Variants in ATR observed in about 807,000 individuals in gnomAD.
ATR encodes the protein serine/threonine-protein kinase ATR.
In ATR, 142 loss-of-function variants were observed where a neutral mutation model predicts 305.3. The observed-to-expected ratio is 0.47, with a 90% CI of 0.41 to 0.53. ATR has a LOEUF of 0.53. Among genes scored for constraint, ATR ranks in the 20% least tolerant of loss-of-function variants. The pLI is 0.00. For synonymous variants in ATR, 1,050 were observed against 1,068.1 expected, an observed-to-expected ratio of 0.98 and a Z score of 0.33; for missense variants, 2,135 against 3,133.1, an observed-to-expected ratio of 0.68 and a Z score of 7.60.
chr3:142,499,464 T>G (rs1339515208), intron 31 of ATR, among the ~76,000 whole-genome samples, 163 bp downstream of exon 31: 1 of 152,032 alleles, frequency 6.6e-6, no homozygotes, highest in Non-Finnish European at 1.5e-5. Flanking sequence ...CCAGCTAATT[T>G]TTTGTATTTT....
chr3:142,457,488 TAA>T, intron 45 of ATR, 114 bp downstream of exon 45: 1 of 1,231,352 alleles, frequency 8.1e-7, no homozygotes, highest in Non-Finnish European at 1.1e-6. Context: ...AGCTATTATT[TAA>T]AAAAACTATT....
chr3:142,567,953 C>G (rs2035128244), intron 2 of ATR, 110 bp downstream of exon 2: 1 of 889,590 alleles, frequency 1.1e-6, no homozygotes, highest in African/African-American at 1.7e-5. Flanking sequence ...TAGTAACTAT[C>G]ATAAATACTC....
In ATR at chr3:142,568,017, A is replaced by G. The variant is rs764127980; in HGVS notation, c.151+46T>C. 10 of 1,418,180 alleles carry G rather than the reference A, an allele frequency of 7.1e-6. No homozygotes were observed. In the Admixed American group the frequency reaches 2.0e-4, roughly 29 times the overall value. The allele number at this position is 1,418,180 out of a possible 1,614,324, so 87.8% of individuals were successfully genotyped here. On this transcript the variant is annotated intron_variant, in intron 2 of 46. Transcript: ENST00000350721. Reference sequence around the variant, plus strand: ...TACTATAATTTATACATGGAAAAGAAAAGTCTAATTTATAAAGTTTATATA... The same window carrying G: ...TACTATAATTTATACATGGAAAAGAGAAGTCTAATTTATAAAGTTTATATA...
chr3:142,508,203 C>T (rs2032356303), intron 27 of ATR, 94 bp from the exon 28 acceptor site: 5 of 1,030,142 alleles, frequency 4.9e-6, no homozygotes, highest in Non-Finnish European at 7.1e-6. Context: ...TTTCACTAAA[C>T]AAATTAATCT....
chr3:142,503,391 G>T lies in ATR; in HGVS notation c.5259C>A (p.Ile1753=). The change falls in exon 30 of 47, where the codon ATC becomes ATA. Residue 1753 remains isoleucine (I), a synonymous_variant. Transcript: ENST00000350721. ...TAGCATGCACTCCATTCACCTGAGT[G>T]ATAACAGTAGACAGCTGACCAAGAC... is the stretch of plus-strand genomic sequence containing the variant. ...MLGLGQLSTV[I]TQVNGVHANR... The T allele has an allele frequency of 6.2e-7, 1 of 1,608,318 alleles. No individual in the cohort carries two copies. The highest frequency in any genetic ancestry group is 8.5e-7 in the Non-Finnish European group (1 of 1,174,928).
At chr3:142,575,024 T>C (rs1272538661) in intron 1 of ATR, among the ~76,000 whole-genome samples, 3 of 149,410 alleles carry the variant, frequency 2.0e-5, no homozygotes, top group Non-Finnish European at 4.5e-5. Flanking sequence ...GAAGTAAAAA[T>C]TAAGCAAGTT....
Position 142,465,175 on chromosome 3 carries a change from G to T in ATR, c.6963C>A (p.Phe2321Leu). The T allele has an allele frequency of 1.9e-6, 3 of 1,609,176 alleles. No individual in the cohort carries two copies. Among genetic ancestry groups the T allele is most frequent in the Non-Finnish European group, 2.6e-6 (3 of 1,176,358 alleles). Residue 2321 changes from phenylalanine (F) to leucine (L), a missense_variant, in exon 41 of 47, where the codon TTC becomes TTA. By Grantham distance (22) the Phe-to-Leu change is conservative. Transcript: ENST00000350721. ...CTTTTGGCTTACACATCATGATGTA[G>T]AACTTTCCATCTGAGCCTTTTAAAG... Reference protein sequence around the residue: ...KISLKGSDGKFYIMMCKPKDD... With the variant: ...KISLKGSDGKLYIMMCKPKDD...
intron 44 of ATR, among the ~76,000 whole-genome samples, chr3:142,458,142 T>G (rs147755006): frequency 1.3e-5 from 2 of 152,332 alleles, no homozygotes; most frequent in African/African-American, 4.8e-5. Context: ...AACACTTTCA[T>G]CTTAAAACAA....
At chr3:142,552,909 G>A (rs1304420220) in intron 13 of ATR, among the ~76,000 whole-genome samples, 1 of 151,288 alleles carries the variant, frequency 6.6e-6, no homozygotes, top group South Asian at 2.1e-4. Flanking sequence ...GCTGAATGAT[G>A]AGAACACATG....
At chr3:142,500,856 C>A (rs2031920664) in intron 30 of ATR, among the ~76,000 whole-genome samples, 2 of 152,096 alleles carry the variant, frequency 1.3e-5, no homozygotes, top group South Asian at 2.1e-4. Flanking sequence ...GGATAAAAAT[C>A]TCAGTAGAAT....
At chr3:142,464,946 A>T (rs1411615364) in intron 41 of ATR, 151 bp downstream of exon 41, 2 of 400,474 alleles carry the variant, frequency 5.0e-6, no homozygotes, top group Non-Finnish European at 8.3e-6. Flanking sequence ...CCTGCTTTTT[A>T]AGAGTGATCT....
intron 30 of ATR, 29 bp downstream of exon 30, chr3:142,503,333 C>T (rs1380224613): frequency 1.2e-5 from 18 of 1,506,624 alleles, no homozygotes; most frequent in Non-Finnish European, 1.7e-5. Flanking sequence ...GATGCAATAA[C>T]AAAAGAAAAT....
intron 20 of ATR, 134 bp from the exon 21 acceptor site, chr3:142,535,339 C>T (rs371597580): frequency 2.0e-6 from 2 of 976,342 alleles, no homozygotes; most frequent in Non-Finnish European, 1.5e-6. Flanking sequence ...AATTTCCATT[C>T]CTTCCTTTGT....
chr3:142,555,775 A>C (rs2034647353), intron 10 of ATR, 102 bp downstream of exon 10: 10 of 1,368,606 alleles, frequency 7.3e-6, no homozygotes, highest in Non-Finnish European at 8.9e-6. Flanking sequence ...TAAAGCATGT[A>C]ACTTCCTGTA....
chr3:142,466,664 C>G lies in ATR; in HGVS notation c.6688-131G>C, dbSNP rs182243038. On this transcript the variant is annotated intron_variant, in intron 39 of 46. Transcript: ENST00000350721. ...GTTTTCTAAGTATTTCCTAATCATC[C>G]CATTTTAACCTCTGTCATTTACCTC... 119 of 799,390 alleles carry G rather than the reference C, an allele frequency of 1.5e-4. No homozygotes were observed. In the African/African-American group the frequency reaches 1.9e-3, roughly 12 times the overall value. 49.5% of individuals were successfully genotyped at this position (799,390 alleles called of 1,614,324 possible). A position where few individuals can be genotyped will look rare whatever the true frequency, so the allele number is the denominator to read the frequency against.
intron 23 of ATR, among the ~76,000 whole-genome samples, chr3:142,522,428 C>T (rs1271899695): frequency 1.3e-5 from 2 of 152,092 alleles, no homozygotes; most frequent in African/African-American, 4.8e-5. Flanking sequence ...AGTTTTAGAG[C>T]TGTGAACATC....
intron 30 of ATR, 49 bp from the exon 31 acceptor site, chr3:142,499,767 C>T (rs1426970822): frequency 6.7e-7 from 1 of 1,501,260 alleles, no homozygotes; most frequent in South Asian, 1.1e-5. Context: ...TTTAAGGTGA[C>T]ATTCAGAGAT....
At position 142,536,020 on chromosome 3, in the gene ATR, A is replaced by T. The variant is rs1348087113; in HGVS notation, c.3819+88T>A. On this transcript the variant is annotated intron_variant, in intron 20 of 46. Coordinates refer to ENST00000350721, the MANE Select transcript of ATR (RefSeq NM_001184.4). ...TAGGACTATATTATCCCTAGATATG[A>T]TCCTAAAGGATCTTTATTTCATGTA... 2.0e-5 allele frequency: 19 copies of T among 933,260 alleles called. No homozygotes were observed. The Admixed American group carries it at 2.7e-4, about 13-fold the overall frequency. The allele number at this position is 933,260 out of a possible 1,614,324, so 57.8% of individuals were successfully genotyped here.
At chr3:142,503,249 G>A (rs1404724730) in intron 30 of ATR, 113 bp downstream of exon 30, 17 of 780,008 alleles carry the variant, frequency 2.2e-5, no homozygotes, top group Non-Finnish European at 3.1e-5. Flanking sequence ...CCAATACCAT[G>A]AAAACACATA....
Sources: gnomAD v4.1 joint callset for allele counts (sites outside exome capture counted in the v4.1 genomes callset) on GRCh38, gnomAD v4.1.1 for gene constraint, MANE v1.5 for transcripts, NCBI Gene and HGNC (gene_info 2026-07-23, HGNC 2026-07-21) for gene names.